The following CCDC192 variants were observed in gnomAD, a reference collection of about 807,000 sequenced individuals.
The protein encoded by CCDC192 is coiled-coil domain-containing protein 192.
chr5:127,833,785 C>A (rs527789332), intron 5 of CCDC192, among the ~76,000 whole-genome samples: 2 of 152,078 alleles, frequency 1.3e-5, no homozygotes, highest in South Asian at 2.1e-4. Flanking sequence ...GTATAAAAAA[C>A]AATTCAGTTA....
intron 6 of CCDC192, among the ~76,000 whole-genome samples, chr5:127,912,929 G>T (rs1331280792): frequency 1.3e-5 from 2 of 152,172 alleles, no homozygotes; most frequent in East Asian, 1.9e-4. Flanking sequence ...GGTGTGTTCT[G>T]CACTGGCCCT....
At position 127,817,008 on chromosome 5, in the gene CCDC192, TCAAA is replaced by T. The variant is rs1018036691; in HGVS notation, c.411+18851_411+18854del. Reference sequence around the variant, plus strand: ...TTCAATATATCTGGATTTAAATTTGTCAAACAAAGGTGATAATGTGATATTATTA... The same window carrying T: ...TTCAATATATCTGGATTTAAATTTGTCAAAGGTGATAATGTGATATTATTA... On this transcript the variant is annotated intron_variant, in intron 5 of 6. Coordinates refer to ENST00000514853, the MANE Select transcript of CCDC192 (RefSeq NM_001317938.2). Among the ~76,000 whole-genome samples the T allele has an allele frequency of 6.6e-5, 10 of 152,204 alleles. 1 individual carries two copies. The highest frequency in any genetic ancestry group is 6.5e-4 in the Admixed American group (10 of 15,278).
intron 6 of CCDC192, among the ~76,000 whole-genome samples, chr5:127,912,212 G>A (rs554139231): frequency 1.3e-5 from 2 of 151,412 alleles, no homozygotes; most frequent in Non-Finnish European, 2.9e-5. Context: ...TTACAGGCGT[G>A]AGCAACTGCT....
intron 5 of CCDC192, among the ~76,000 whole-genome samples, chr5:127,865,461 G>GT (rs1020047078): frequency 2.6e-5 from 4 of 151,808 alleles, no homozygotes; most frequent in African/African-American, 9.7e-5. Flanking sequence ...ACCTTTCAAG[G>GT]TTTGGGGTGT....
intron 5 of CCDC192, among the ~76,000 whole-genome samples, chr5:127,816,070 G>T (rs1393779587): frequency 6.6e-6 from 1 of 152,122 alleles, no homozygotes; most frequent in Non-Finnish European, 1.5e-5. Flanking sequence ...AAGAAGTTGA[G>T]ATACATTAAT....
intron 6 of CCDC192, among the ~76,000 whole-genome samples, chr5:127,881,896 G>A (rs1210341181): frequency 6.6e-6 from 1 of 152,120 alleles, no homozygotes; most frequent in Admixed American, 6.5e-5. Context: ...TCCACCTTTT[G>A]GTACACTTCA....
At chr5:127,784,649 C>A in intron 3 of CCDC192, 1 of 723,410 alleles carries the variant, frequency 1.4e-6, no homozygotes. Flanking sequence ...TTTTCACCAT[C>A]AACTTGCTCC....
At chr5:127,709,202 GGAGAGA>G (rs201676720) in intron 2 of CCDC192, among the ~76,000 whole-genome samples, 49 of 85,764 alleles carry the variant, frequency 5.7e-4, no homozygotes, top group South Asian at 1.8e-3. Flanking sequence ...GGAGAGAGGG[GGAGAGA>G]GAGAGAGAGA....
chr5:127,735,837 A>G lies in CCDC192; in HGVS notation c.115-18431A>G, dbSNP rs1214951421. Among the ~76,000 whole-genome samples, 1,247 of 132,574 alleles carry G rather than the reference A, an allele frequency of 9.4e-3. 6 individuals carry two copies. The highest frequency in any genetic ancestry group is 0.039 in the African/African-American group (1,163 of 30,170). 87.0% of individuals were successfully genotyped at this position (132,574 alleles called of 152,430 possible). A position where few individuals can be genotyped will look rare whatever the true frequency, so the allele number is the denominator to read the frequency against. On this transcript the variant is annotated intron_variant, in intron 2 of 6. Coordinates refer to ENST00000514853, the MANE Select transcript of CCDC192 (RefSeq NM_001317938.2). The stretch of plus-strand genomic sequence containing the variant: ...CTTAAGGAGATTTTGGGCTGAGACA[A>G]TGGGGTTTTCTAGATATACAATCAT...
chr5:127,726,565 C>G (rs902755038), intron 2 of CCDC192, among the ~76,000 whole-genome samples: 1 of 152,208 alleles, frequency 6.6e-6, no homozygotes, highest in Admixed American at 6.5e-5. Context: ...TCCAGTCTGC[C>G]ATTTTCTCCT....
intron 2 of CCDC192, among the ~76,000 whole-genome samples, chr5:127,731,404 T>C (rs540943529): frequency 2.0e-5 from 3 of 152,244 alleles, no homozygotes; most frequent in Admixed American, 6.5e-5. Flanking sequence ...TGCTCACAGA[T>C]AGGAAGAATA....
intron 2 of CCDC192, among the ~76,000 whole-genome samples, chr5:127,735,704 T>C: frequency 7.7e-6 from 1 of 130,394 alleles, no homozygotes; most frequent in Non-Finnish European, 1.5e-5. Context: ...TGAATGGGAG[T>C]TCACTCATGA....
intron 6 of CCDC192, among the ~76,000 whole-genome samples, chr5:127,930,861 C>G (rs924130060): frequency 4.6e-5 from 7 of 152,232 alleles, no homozygotes; most frequent in African/African-American, 1.7e-4. Flanking sequence ...GGGCCTACCC[C>G]CACCTTCCAC....
At chr5:127,709,550 T>A (rs1366804276) in intron 2 of CCDC192, among the ~76,000 whole-genome samples, 1 of 152,208 alleles carries the variant, frequency 6.6e-6, no homozygotes. Context: ...ACATCTCTCT[T>A]GTCAGTGTAG....
intron 2 of CCDC192, among the ~76,000 whole-genome samples, chr5:127,716,102 T>A (rs1450292712): frequency 6.6e-6 from 1 of 152,196 alleles, no homozygotes; most frequent in Non-Finnish European, 1.5e-5. Context: ...CATGAAGGGA[T>A]GTTGCATTTC....
chr5:127,799,390 GGCTT>G (rs1757358959), intron 5 of CCDC192, among the ~76,000 whole-genome samples: 1 of 152,110 alleles, frequency 6.6e-6, no homozygotes, highest in African/African-American at 2.4e-5. Context: ...AAATGACTAA[GGCTT>G]GCATTTGTAG....
intron 3 of CCDC192, among the ~76,000 whole-genome samples, chr5:127,768,024 T>C (rs1333710431): frequency 6.6e-6 from 1 of 151,916 alleles, no homozygotes; most frequent in Admixed American, 6.6e-5. Flanking sequence ...GAGGCCGAGG[T>C]GGGCGGATCA....
intron 6 of CCDC192, among the ~76,000 whole-genome samples, chr5:127,931,332 C>T (rs1327717008): frequency 1.3e-5 from 2 of 152,154 alleles, no homozygotes; most frequent in African/African-American, 4.8e-5. Flanking sequence ...TCTGTATGTT[C>T]TGGAGATAAT....
At chr5:127,877,820 A>G (rs1752143742) in intron 6 of CCDC192, among the ~76,000 whole-genome samples, 1 of 151,888 alleles carries the variant, frequency 6.6e-6, no homozygotes, top group Admixed American at 6.6e-5. Flanking sequence ...CTAGAACACC[A>G]CCACTCCCCT....
Sources: allele counts gnomAD v4.1 joint callset (sites outside exome capture counted in the v4.1 genomes callset), GRCh38; gene constraint gnomAD v4.1.1; transcripts MANE v1.5; gene names NCBI Gene and HGNC (gene_info 2026-07-23, HGNC 2026-07-21).